GXYLT2: variants seen among roughly 807,000 people sequenced by gnomAD.
GXYLT2 encodes the protein glucoside xylosyltransferase 2.
GXYLT2 carries 53 observed loss-of-function variants against 45.8 expected under a neutral mutation model. The ratio of observed to expected loss-of-function variants is 1.16; its 90% confidence interval spans 0.93 to 1.46. The LOEUF is 1.46. Among genes scored for constraint, GXYLT2 ranks in the 40% most tolerant of loss-of-function variants. The pLI, the probability that GXYLT2 is intolerant of heterozygous loss-of-function variation, is 0.00. For synonymous variants in GXYLT2, 219 were observed against 214.2 expected, an observed-to-expected ratio of 1.02 and a Z score of -0.19; for missense variants, 551 against 544.4, an observed-to-expected ratio of 1.01 and a Z score of -0.12.
Position 72,899,624 on chromosome 3 carries a change from G to GT in GXYLT2, c.276-8742dup, listed in dbSNP as rs368767180. Among the ~76,000 whole-genome samples the GT allele has an allele frequency of 3.9e-3, 589 of 152,240 alleles. 5 individuals are homozygous for GT. Among genetic ancestry groups the GT allele is most frequent in the African/African-American group, 0.013 (537 of 41,532 alleles). Reference sequence around the variant, plus strand: ...AGCCTGTGGTTTGCAGGGAACTTTAGTAGTAACTCTCAACTGCCAACACTT... The same window carrying GT: ...AGCCTGTGGTTTGCAGGGAACTTTAGTTAGTAACTCTCAACTGCCAACACTT... On this transcript the variant is annotated intron_variant, in intron 1 of 6. Coordinates refer to ENST00000389617, the MANE Select transcript of GXYLT2 (RefSeq NM_001080393.2).
intron 1 of GXYLT2, among the ~76,000 whole-genome samples, chr3:72,891,848 C>A (rs1709187601): frequency 6.6e-6 from 1 of 152,038 alleles, no homozygotes; most frequent in African/African-American, 2.4e-5. Context: ...AAAAAGGGAA[C>A]CATGATGGGC....
intron 6 of GXYLT2, among the ~76,000 whole-genome samples, chr3:72,969,392 CAA>C (rs11376005): frequency 1.7e-4 from 20 of 115,222 alleles, no homozygotes; most frequent in Non-Finnish European, 2.0e-4. Flanking sequence ...GACCCTGTCT[CAA>C]AAAAAAAAAA....
chr3:72,960,826 C>T (rs1710754839), intron 5 of GXYLT2, among the ~76,000 whole-genome samples: 1 of 152,094 alleles, frequency 6.6e-6, no homozygotes, highest in South Asian at 2.1e-4. Context: ...CACCTTTATC[C>T]CTGGAAAGGA....
intron 3 of GXYLT2, among the ~76,000 whole-genome samples, chr3:72,935,351 A>G (rs1480405843): frequency 2.0e-5 from 3 of 152,208 alleles, no homozygotes; most frequent in Non-Finnish European, 2.9e-5. Flanking sequence ...GAGAATAGCA[A>G]TAAAATGATC....
At chr3:72,948,376 A>G (rs2107133686) in intron 3 of GXYLT2, among the ~76,000 whole-genome samples, 1 of 152,370 alleles carries the variant, frequency 6.6e-6, no homozygotes, top group African/African-American at 2.4e-5. Flanking sequence ...CCATAAAACA[A>G]GTCTCAGTCA....
chr3:72,923,511 G>A (rs958615161), intron 3 of GXYLT2, among the ~76,000 whole-genome samples: 8 of 152,176 alleles, frequency 5.3e-5, no homozygotes, highest in Non-Finnish European at 1.2e-4. Context: ...ATATTGCACA[G>A]GGATAGCAAC....
chr3:72,922,233 G>A lies in GXYLT2; in HGVS notation c.498G>A (p.Lys166=), dbSNP rs747394999. ...GCCAGTGGCCTGACTCATATACAAAGAAGTTTGAGCACAGAATCTACCCCA... is the reference window on the plus strand; with the variant it reads ...GCCAGTGGCCTGACTCATATACAAAAAAGTTTGAGCACAGAATCTACCCCA... ...QLRQWPDSYT[K]KFEHRIYPIT... Residue 166 remains lysine, a synonymous_variant, in exon 3 of 7, where the codon AAG becomes AAA. Transcript: ENST00000389617. 6.2e-7 allele frequency: 1 copy of A among 1,613,540 alleles called. No individual in the cohort carries two copies. Among genetic ancestry groups the A allele is most frequent in the Non-Finnish European group, 8.5e-7 (1 of 1,179,728 alleles).
Position 72,921,199 on chromosome 3 carries a change from GT to G in GXYLT2, c.469-998del, listed in dbSNP as rs1311113937. ...AGAAATAAAAAAAAAAAAATTTATA[GT>G]TTTTTTGCACTTTGCTTTTTCCAAA... On this transcript the variant is annotated intron_variant, in intron 2 of 6. Transcript: ENST00000389617. Among the ~76,000 whole-genome samples the G allele has an allele frequency of 1.3e-5, 2 of 151,398 alleles. 1 individual carries two copies. Among genetic ancestry groups the G allele is most frequent in the Admixed American group, 1.3e-4 (2 of 15,196 alleles).
intron 3 of GXYLT2, among the ~76,000 whole-genome samples, chr3:72,927,454 C>CTGCATGCTT (rs1271976169): frequency 6.6e-6 from 1 of 152,152 alleles, no homozygotes; most frequent in Non-Finnish European, 1.5e-5. Flanking sequence ...GTTTTGAAAT[C>CTGCATGCTT]TGCATGCTTA....
intron 3 of GXYLT2, among the ~76,000 whole-genome samples, chr3:72,945,113 C>T (rs1294818083): frequency 8.6e-6 from 1 of 115,986 alleles, no homozygotes; most frequent in East Asian, 2.5e-4. Context: ...CCTGTCTCTA[C>T]TAAAACTACA....
Position 72,926,336 on chromosome 3 carries a change from T to A in GXYLT2, c.600+4001T>A, listed in dbSNP as rs181031870. 9.8e-5 allele frequency among the ~76,000 whole-genome samples: 15 copies of A among 152,346 alleles called. No homozygotes were observed. The East Asian group carries it at 2.7e-3, about 27-fold the overall frequency. The stretch of plus-strand genomic sequence containing the variant: ...AAATTTATGAACTCCTACAAATCAG[T>A]GGACATTTACTCCTCTACTTCTGTG... On this transcript the variant is annotated intron_variant, in intron 3 of 6. Transcript: ENST00000389617.
rs772409702 is a variant in GXYLT2, at chr3:72,967,566, C to A, written c.996C>A (p.Pro332=). The A allele has an allele frequency of 1.2e-6, 2 of 1,613,614 alleles. No homozygotes were observed. Among genetic ancestry groups the A allele is most frequent in the Admixed American group, 3.3e-5 (2 of 59,968 alleles). The change falls in exon 6 of 7, where the codon CCC becomes CCA. Residue 332 remains proline (P), a synonymous_variant. Coordinates refer to ENST00000389617, the MANE Select transcript of GXYLT2 (RefSeq NM_001080393.2). ...YFNPECLYVF[P]CQWNYRPDHC... ...CACCAGAGTGTCTCTATGTATTCCC[C>A]TGCCAGTGGAACTACCGTCCCGATC... is the stretch of plus-strand genomic sequence containing the variant.
intron 3 of GXYLT2, among the ~76,000 whole-genome samples, chr3:72,954,453 T>TCA (rs1473747005): frequency 8.1e-6 from 1 of 123,362 alleles, no homozygotes; most frequent in African/African-American, 3.6e-5. Context: ...TTATATATAT[T>TCA]TATATATATT....
intron 3 of GXYLT2, among the ~76,000 whole-genome samples, chr3:72,940,840 C>T (rs1710283645): frequency 6.6e-6 from 1 of 152,098 alleles, no homozygotes; most frequent in African/African-American, 2.4e-5. Context: ...AACTACCACA[C>T]CTGACTAATT....
rs945731190 is a variant in GXYLT2, at chr3:72,888,151, C to T, written c.-83C>T. On this transcript the variant is annotated 5_prime_UTR_variant, in exon 1 of 7. Transcript: ENST00000389617. ...GCGGGCGGAGGAGGCGACCGCCGCG[C>T]GCTGCTGCACTCATCCTGCCGCCGC... 6.5e-6 allele frequency: 6 copies of T among 927,024 alleles called. No individual in the cohort carries two copies. Among genetic ancestry groups the T allele is most frequent in the Non-Finnish European group, 7.7e-6 (6 of 778,732 alleles). 57.4% of individuals were successfully genotyped at this position (927,024 alleles called of 1,614,324 possible).
At chr3:72,915,354 T>TTGGGG (rs71126805) in intron 2 of GXYLT2, among the ~76,000 whole-genome samples, 3 of 33,480 alleles carry the variant, frequency 9.0e-5, no homozygotes, top group Admixed American at 8.1e-4. Flanking sequence ...TTTTTTTTTT[T>TTGGGG]GCGGGGGGGG....
chr3:72,960,695 A>G lies in GXYLT2; in HGVS notation c.976+3343A>G, dbSNP rs1347590379. 2.6e-5 allele frequency among the ~76,000 whole-genome samples: 4 copies of G among 152,126 alleles called. 1 individual carries two copies. Among genetic ancestry groups the G allele is most frequent in the Non-Finnish European group, 2.9e-5 (2 of 68,032 alleles). The stretch of plus-strand genomic sequence containing the variant: ...ACTTTACCCAGGTACTTGATTAAAC[A>G]TGGGATCTTTGAACTGAGATCCAGC... On this transcript the variant is annotated intron_variant, in intron 5 of 6. Coordinates refer to ENST00000389617, the MANE Select transcript of GXYLT2 (RefSeq NM_001080393.2).
At chr3:72,949,947 C>G (rs954943284) in intron 3 of GXYLT2, among the ~76,000 whole-genome samples, 2 of 151,992 alleles carry the variant, frequency 1.3e-5, no homozygotes, top group Non-Finnish European at 2.9e-5. Context: ...GTGTGTGTGC[C>G]AGGGGCTTCA....
At chr3:72,918,562 T>C (rs1193137221) in intron 2 of GXYLT2, among the ~76,000 whole-genome samples, 1 of 152,130 alleles carries the variant, frequency 6.6e-6, no homozygotes, top group Admixed American at 6.6e-5. Context: ...CGGTGGCTCA[T>C]GCGTGTAATC....
Sources: allele counts gnomAD v4.1 joint callset (sites outside exome capture counted in the v4.1 genomes callset), GRCh38; gene constraint gnomAD v4.1.1; transcripts MANE v1.5; gene names NCBI Gene and HGNC (gene_info 2026-07-23, HGNC 2026-07-21).